Variants in USO1 observed in about 807,000 individuals in gnomAD.
USO1 encodes USO1 vesicle transport factor, also known as general vesicular transport factor p115.
A neutral mutation model predicts 124.5 loss-of-function variants in USO1; 57 were observed. The ratio of observed to expected loss-of-function variants is 0.46; its 90% CI spans 0.37 to 0.57. The LOEUF (loss-of-function observed/expected upper bound fraction) is 0.57. USO1 is among the 20% of genes least tolerant of loss of function. The pLI, the probability that USO1 is intolerant of heterozygous loss-of-function variation, is 0.00. For missense variants in USO1, 900 were observed against 1,040.6 expected (o/e 0.86, Z 1.86); for synonymous variants, 369 against 362.8 (o/e 1.02, Z -0.19).
intron 13 of USO1, among the ~76,000 whole-genome samples, chr4:75,796,508 G>C (rs1270349290): frequency 1.3e-5 from 2 of 151,594 alleles, no homozygotes; most frequent in Non-Finnish European, 2.9e-5. Flanking sequence ...GCGAATTTTT[G>C]TATTTTTAGT....
chr4:75,806,293 G>T (rs1342553438), intron 19 of USO1, among the ~76,000 whole-genome samples, 193 bp from the exon 20 acceptor site: 1 of 152,128 alleles, frequency 6.6e-6, no homozygotes, highest in Non-Finnish European at 1.5e-5. Flanking sequence ...CCTACAAATG[G>T]ATTTTTAGCC....
chr4:75,776,874 G>A (rs1169728861), intron 8 of USO1, among the ~76,000 whole-genome samples: 1 of 152,108 alleles, frequency 6.6e-6, no homozygotes, highest in Non-Finnish European at 1.5e-5. Context: ...TTTAAAATGT[G>A]CACCTTAAGC....
intron 16 of USO1, 107 bp from the exon 17 acceptor site, chr4:75,800,972 T>C (rs2149189651): frequency 7.2e-7 from 1 of 1,381,476 alleles, no homozygotes; most frequent in Non-Finnish European, 9.6e-7. Flanking sequence ...TTGAAAAGAT[T>C]ATTTCTTACC....
chr4:75,800,850 A>G (rs1462962646), intron 16 of USO1, 51 bp downstream of exon 16: 1 of 1,560,184 alleles, frequency 6.4e-7, no homozygotes, highest in African/African-American at 1.4e-5. Flanking sequence ...TTATATTTAT[A>G]TTGTACATGT....
chr4:75,795,956 T>C (rs1342164706), intron 13 of USO1, among the ~76,000 whole-genome samples: 1 of 151,760 alleles, frequency 6.6e-6, no homozygotes, highest in African/African-American at 2.4e-5. Flanking sequence ...TTTGTGTGAG[T>C]ATTTGGCAGA....
Position 75,752,623 on chromosome 4 carries a change from A to AT in USO1, c.218+26dup. ...CAGATCGGTAAGTCTCTGTTTAATG[A>AT]TTTTTTTCCCTAATTTTTCTTGAAC... is the stretch of plus-strand genomic sequence containing the variant. On this transcript the variant is annotated intron_variant, in intron 3 of 23. Coordinates refer to ENST00000514213, the MANE Select transcript of USO1 (RefSeq NM_003715.4). 2 of 398,270 alleles carry AT rather than the reference A, an allele frequency of 5.0e-6. No individual in the cohort carries two copies. The highest frequency in any genetic ancestry group is 8.9e-6 in the Non-Finnish European group (2 of 225,970). The allele number at this position is 398,270 out of a possible 1,614,324, so 24.7% of individuals were successfully genotyped here. A position where few individuals can be genotyped will look rare whatever the true frequency, so the allele number is the denominator to read the frequency against.
At chr4:75,773,586 C>A (rs1385038756) in intron 7 of USO1, among the ~76,000 whole-genome samples, 1 of 152,084 alleles carries the variant, frequency 6.6e-6, no homozygotes, top group Non-Finnish European at 1.5e-5. Flanking sequence ...GTTTGGGCAA[C>A]CAGTTTTTAA....
chr4:75,774,729 T>C lies in USO1; in HGVS notation c.609T>C (p.Ile203=). 1 of 1,613,706 alleles carries C rather than the reference T, an allele frequency of 6.2e-7. No individual in the cohort carries two copies. Among genetic ancestry groups the C allele is most frequent in the Non-Finnish European group, 8.5e-7 (1 of 1,179,730 alleles). The change falls in exon 8 of 24, where the codon ATT becomes ATC. Residue 203 remains isoleucine, a synonymous_variant. Coordinates refer to ENST00000514213, the MANE Select transcript of USO1 (RefSeq NM_003715.4). Reference sequence around the variant, plus strand: ...GAAGCAATGGTGCAATCCAGAAAATTGTTGCTTTTGAAAATGCTTTCGAGA... The same window carrying C: ...GAAGCAATGGTGCAATCCAGAAAATCGTTGCTTTTGAAAATGCTTTCGAGA... ...LTRSNGAIQK[I]VAFENAFERL... is the part of the protein sequence containing the mutation.
At chr4:75,728,470 T>C (rs1720527518) in intron 1 of USO1, among the ~76,000 whole-genome samples, 1 of 152,132 alleles carries the variant, frequency 6.6e-6, no homozygotes, top group Non-Finnish European at 1.5e-5. Flanking sequence ...ATTTTTATGG[T>C]GAAACCCTGT....
chr4:75,780,967 A>G (rs1722204470), intron 8 of USO1, among the ~76,000 whole-genome samples: 1 of 152,158 alleles, frequency 6.6e-6, no homozygotes, highest in Non-Finnish European at 1.5e-5. Flanking sequence ...TCAAGTCTTA[A>G]TATTTAAGAA....
At chr4:75,771,213 G>GTTT (rs1053700559) in intron 7 of USO1, 76 bp downstream of exon 7, 32 of 1,466,818 alleles carry the variant, frequency 2.2e-5, no homozygotes, top group Non-Finnish European at 2.8e-5. Context: ...TTGTTGTTGA[G>GTTT]TTTTAGGAAA....
At position 75,805,289 on chromosome 4, in the gene USO1, A is replaced by G. The variant is rs767727519; in HGVS notation, c.2275A>G (p.Met759Val). The change falls in exon 19 of 24, where the codon ATG becomes GTG. Residue 759 changes from methionine (M) to valine (V), a missense_variant. Met to Val is a conservative substitution (Grantham distance 21, BLOSUM62 1). Coordinates refer to ENST00000514213, the MANE Select transcript of USO1 (RefSeq NM_003715.4). ...AAGCCAGCTGACTGAAAAGGACTCT[A>G]TGATTGAAAATATGGTAAAGTAAAT... ...LQSQLTEKDS[M>V]IENMKSSQTS... The G allele has an allele frequency of 1.0e-5, 16 of 1,602,372 alleles. No homozygotes were observed. The highest frequency in any genetic ancestry group is 2.3e-5 in the South Asian group (2 of 88,566).
chr4:75,812,815 T>G (rs1308111059), intron 23 of USO1, among the ~76,000 whole-genome samples: 4 of 152,162 alleles, frequency 2.6e-5, no homozygotes, highest in Non-Finnish European at 5.9e-5. Flanking sequence ...CTGTAGTTAC[T>G]AGAATACAAA....
In USO1 at chr4:75,806,528, A is replaced by T; in HGVS notation, c.2332A>T (p.Ile778Leu). The change falls in exon 20 of 24, where the codon ATA becomes TTA. Residue 778 changes from isoleucine (I) to leucine (L), a missense_variant. Around this residue, in one of 2 missense-constraint regions of USO1, gnomAD observed 362 missense variants for 359.0 expected, o/e 1.01. Coordinates refer to ENST00000514213, the MANE Select transcript of USO1 (RefSeq NM_003715.4). ...TGGCACAAATGAACAGTCTTCAGCA[A>T]TAGTTTCAGCTAGAGATTCTGAACA... ...TSGTNEQSSA[I>L]VSARDSEQVA... is the part of the protein sequence containing the mutation. 6.4e-7 allele frequency: 1 copy of T among 1,562,342 alleles called. No individual in the cohort carries two copies. Among genetic ancestry groups the T allele is most frequent in the Non-Finnish European group, 8.7e-7 (1 of 1,152,056 alleles).
At chr4:75,780,422 G>C (rs1016469284) in intron 8 of USO1, among the ~76,000 whole-genome samples, 4 of 150,466 alleles carry the variant, frequency 2.7e-5, no homozygotes, top group Non-Finnish European at 3.0e-5. Flanking sequence ...ACCCACTACT[G>C]TGCCCGGCTA....
At position 75,782,814 on chromosome 4, in the gene USO1, G is replaced by A. The variant is rs747586988; in HGVS notation, c.811G>A (p.Gly271Ser). ...PWFEVGDENSGWSAQKVTNLH... is the reference protein window; with the variant it reads ...PWFEVGDENSSWSAQKVTNLH... ...GTTTGAAGTTGGAGATGAAAATTCTGGCTGGTCTGCACAGAAAGTGACCAA... is the reference window on the plus strand; with the variant it reads ...GTTTGAAGTTGGAGATGAAAATTCTAGCTGGTCTGCACAGAAAGTGACCAA... Residue 271 changes from glycine to serine, a missense_variant, in exon 9 of 24, where the codon GGC (glycine) becomes AGC (serine). Around this residue, in one of 2 missense-constraint regions of USO1, gnomAD observed 538 missense variants for 681.6 expected, o/e 0.79. Coordinates refer to ENST00000514213, the MANE Select transcript of USO1 (RefSeq NM_003715.4). 1 of 1,607,308 alleles carries A rather than the reference G, an allele frequency of 6.2e-7. No homozygotes were observed. Among genetic ancestry groups the A allele is most frequent in the African/African-American group, 1.3e-5 (1 of 74,540 alleles).
chr4:75,810,411 T>C, intron 21 of USO1, 21 bp from the exon 22 acceptor site: 1 of 1,589,270 alleles, frequency 6.3e-7, no homozygotes, highest in African/African-American at 1.4e-5. Context: ...AGACATCTTT[T>C]TTTCCAATTT....
intron 1 of USO1, among the ~76,000 whole-genome samples, chr4:75,744,262 A>T (rs148227949): frequency 6.6e-6 from 1 of 152,298 alleles, no homozygotes; most frequent in African/African-American, 2.4e-5. Flanking sequence ...TGAATGGATT[A>T]CCAGCCTCAG....
intron 11 of USO1, 47 bp downstream of exon 11, chr4:75,790,285 TG>T (rs1722492396): frequency 1.9e-6 from 3 of 1,551,582 alleles, no homozygotes; most frequent in Non-Finnish European, 2.6e-6. Context: ...GTAAAAACTT[TG>T]GGTTGTTAAT....
Sources: allele counts gnomAD v4.1 joint callset (sites outside exome capture counted in the v4.1 genomes callset), GRCh38; gene constraint gnomAD v4.1.1; regional missense constraint gnomAD v4.1.1; transcripts MANE v1.5; gene names NCBI Gene and HGNC (gene_info 2026-07-23, HGNC 2026-07-21).